Variants in CADM2 observed in about 807,000 individuals in gnomAD.
CADM2 encodes the protein cell adhesion molecule 2.
Under a neutral mutation model 49.8 loss-of-function variants are expected in CADM2, and 12 were observed. The observed-to-expected ratio is 0.24, with a 90% CI of 0.15 to 0.39. The LOEUF (loss-of-function observed/expected upper bound fraction) is 0.39. CADM2 is among the 10% of genes least tolerant of loss of function. The pLI is 1.00. For synonymous variants in CADM2, 214 were observed against 175.4 expected (o/e 1.22, Z -1.74); for missense variants, 378 against 492.3 (o/e 0.77, Z 2.20).
chr3:85,134,216 C>T (rs2039340668), intron 1 of CADM2, among the ~76,000 whole-genome samples: 1 of 152,206 alleles, frequency 6.6e-6, no homozygotes, highest in Non-Finnish European at 1.5e-5. Flanking sequence ...GCGCCGCGCG[C>T]AGCCCCGGTT....
intron 1 of CADM2, among the ~76,000 whole-genome samples, chr3:85,653,478 A>G (rs572951608): frequency 6.6e-6 from 1 of 151,816 alleles, no homozygotes; most frequent in East Asian, 1.9e-4. Context: ...AAGGACCCCA[A>G]GGTTTTTAGC....
intron 1 of CADM2, among the ~76,000 whole-genome samples, chr3:85,106,867 A>G (rs547772456): frequency 1.4e-4 from 21 of 152,296 alleles, no homozygotes; most frequent in Non-Finnish European, 2.4e-4. Flanking sequence ...GGCCCATCAT[A>G]ACAACTATTG....
At chr3:85,097,661 C>A (rs138727761) in intron 1 of CADM2, among the ~76,000 whole-genome samples, 1 of 152,150 alleles carries the variant, frequency 6.6e-6, no homozygotes, top group Non-Finnish European at 1.5e-5. Context: ...AGTATGTATT[C>A]CTTTGATTGG....
chr3:85,468,083 G>T (rs552228068), intron 1 of CADM2, among the ~76,000 whole-genome samples: 22 of 149,326 alleles, frequency 1.5e-4, no homozygotes, highest in Admixed American at 1.3e-3. Flanking sequence ...GAACCCGGGA[G>T]GCGGAGCTTG....
At chr3:85,212,820 T>TTCTTTCTTTCTTTCTTC (rs2107772058) in intron 1 of CADM2, among the ~76,000 whole-genome samples, 1 of 49,772 alleles carries the variant, frequency 2.0e-5, no homozygotes, top group East Asian at 4.5e-4. Context: ...TTCTCTTTCT[T>TTCTTTCTTTCTTTCTTC]TCTTTCTTTC....
intron 1 of CADM2, among the ~76,000 whole-genome samples, chr3:85,662,566 TC>T (rs2065442223): frequency 1.3e-5 from 2 of 152,048 alleles, no homozygotes; most frequent in South Asian, 4.1e-4. Context: ...CTCTACACTT[TC>T]ACCATTCCTC....
rs201133091 is a variant in CADM2, at chr3:85,756,050, C to A, written c.88+29502C>A. Among the ~76,000 whole-genome samples the A allele has an allele frequency of 2.0e-5, 3 of 152,220 alleles. No homozygotes were observed. In the East Asian group the frequency reaches 5.8e-4, roughly 29 times the overall value. On this transcript the variant is annotated intron_variant, in intron 2 of 9. Coordinates refer to ENST00000383699, the MANE Select transcript of CADM2 (RefSeq NM_001167675.2). The stretch of plus-strand genomic sequence containing the variant: ...CCATGACACACCTTGTTAGCATAAA[C>A]TCAAGTATGGTTGAAAGGGGCTCAT...
intron 8 of CADM2, among the ~76,000 whole-genome samples, chr3:86,000,119 G>A (rs189891918): frequency 6.6e-6 from 1 of 152,290 alleles, no homozygotes; most frequent in Non-Finnish European, 1.5e-5. Flanking sequence ...AGTCTGAGGA[G>A]AGAAGATAAG....
chr3:85,861,594 T>G (rs1376765504), intron 3 of CADM2, among the ~76,000 whole-genome samples: 1 of 152,142 alleles, frequency 6.6e-6, no homozygotes, highest in Non-Finnish European at 1.5e-5. Context: ...AGGTATAGGC[T>G]GCAGATACAA....
intron 1 of CADM2, among the ~76,000 whole-genome samples, chr3:85,167,234 A>G (rs1291282503): frequency 6.6e-6 from 1 of 152,050 alleles, no homozygotes; most frequent in African/African-American, 2.4e-5. Flanking sequence ...CGCTCCTCCT[A>G]TCATGCAGTA....
At chr3:85,788,185 G>A (rs2071108739) in intron 2 of CADM2, among the ~76,000 whole-genome samples, 1 of 152,042 alleles carries the variant, frequency 6.6e-6, no homozygotes. Flanking sequence ...ACATACATTT[G>A]TTGAATAAAC....
intron 1 of CADM2, among the ~76,000 whole-genome samples, chr3:85,276,873 T>C (rs1030105002): frequency 4.6e-5 from 7 of 151,334 alleles, no homozygotes; most frequent in Non-Finnish European, 8.9e-5. Flanking sequence ...TGGGGCAGTA[T>C]ACTGGAAAGG....
chr3:85,737,412 T>G (rs2068183522), intron 2 of CADM2, among the ~76,000 whole-genome samples: 2 of 152,180 alleles, frequency 1.3e-5, no homozygotes, highest in African/African-American at 2.4e-5. Context: ...TCTAGTTGTT[T>G]CTATTTTGAA....
intron 1 of CADM2, among the ~76,000 whole-genome samples, chr3:85,642,711 T>C (rs189401232): frequency 9.6e-4 from 146 of 152,310 alleles, no homozygotes; most frequent in Middle Eastern, 3.4e-3. Flanking sequence ...GAGGCAGTGG[T>C]AATAATGAAA....
At chr3:85,280,585 G>A (rs937666264) in intron 1 of CADM2, among the ~76,000 whole-genome samples, 13 of 151,418 alleles carry the variant, frequency 8.6e-5, no homozygotes, top group African/African-American at 2.9e-4. Context: ...GGTTATCCAC[G>A]TCTTTTCTGC....
At chr3:85,801,533 C>T (rs1222348834) in intron 2 of CADM2, among the ~76,000 whole-genome samples, 3 of 151,982 alleles carry the variant, frequency 2.0e-5, no homozygotes, top group Non-Finnish European at 4.4e-5. Context: ...ACAAGAAAAC[C>T]TAGTTAAGTG....
At chr3:85,755,661 AG>A (rs1306640282) in intron 2 of CADM2, among the ~76,000 whole-genome samples, 2 of 152,120 alleles carry the variant, frequency 1.3e-5, no homozygotes, top group African/African-American at 4.8e-5. Context: ...AAGGGGAAGC[AG>A]GCATATTTTA....
chr3:85,241,721 G>A (rs924242796), intron 1 of CADM2, among the ~76,000 whole-genome samples: 7 of 151,538 alleles, frequency 4.6e-5, no homozygotes, highest in African/African-American at 1.7e-4. Context: ...TCATTCATAT[G>A]TATATGTATA....
intron 1 of CADM2, among the ~76,000 whole-genome samples, chr3:85,567,284 T>C (rs1466172583): frequency 1.3e-5 from 2 of 152,202 alleles, no homozygotes; most frequent in Non-Finnish European, 1.5e-5. Context: ...AGGCGAGCAA[T>C]GTACAACATA....
Sources: gnomAD v4.1 joint callset for allele counts (sites outside exome capture counted in the v4.1 genomes callset) on GRCh38, gnomAD v4.1.1 for gene constraint, MANE v1.5 for transcripts, NCBI Gene and HGNC (gene_info 2026-07-23, HGNC 2026-07-21) for gene names.